The following WWTR1 variants were observed in gnomAD, a reference collection of about 807,000 sequenced individuals.
The protein encoded by WWTR1 is WW domain-containing transcription regulator protein 1.
In WWTR1, 13 loss-of-function variants were observed where a neutral mutation model predicts 40.1. That is an observed-to-expected ratio of 0.32 (90% CI 0.21 to 0.52). WWTR1 has a LOEUF of 0.52. Ranked by LOEUF, WWTR1 falls within the 20% of genes least tolerant of loss-of-function variation. The probability of loss-of-function intolerance (pLI) is 0.97; values close to 1 mark genes in which losing one functional copy is unlikely to be tolerated. For missense variants in WWTR1, 436 were observed against 523.1 expected, an observed-to-expected ratio of 0.83 and a Z score of 1.63; for synonymous variants, 230 against 210.1, an observed-to-expected ratio of 1.09 and a Z score of -0.82.
At chr3:149,525,276 A>C (rs1735244751) in intron 6 of WWTR1, among the ~76,000 whole-genome samples, 1 of 152,208 alleles carries the variant, frequency 6.6e-6, no homozygotes, top group African/African-American at 2.4e-5. Flanking sequence ...TGACATGAAA[A>C]AAATTGGATA....
At chr3:149,624,897 A>T (rs997507293) in intron 2 of WWTR1, among the ~76,000 whole-genome samples, 12 of 150,562 alleles carry the variant, frequency 8.0e-5, no homozygotes, top group African/African-American at 2.2e-4. Flanking sequence ...TTATTTATTT[A>T]TTTTTTTATT....
intron 1 of WWTR1, among the ~76,000 whole-genome samples, chr3:149,693,220 T>G (rs1040727288): frequency 1.3e-5 from 2 of 152,042 alleles, no homozygotes; most frequent in East Asian, 3.9e-4. Context: ...CAAGATAATA[T>G]CCCATGTACA....
intron 2 of WWTR1, among the ~76,000 whole-genome samples, chr3:149,607,756 T>C (rs373960655): frequency 2.0e-4 from 31 of 152,326 alleles, no homozygotes; most frequent in African/African-American, 7.0e-4. Context: ...TTCTCTTCAA[T>C]GATTAACAAC....
chr3:149,642,881 C>T (rs1712265996), intron 2 of WWTR1, among the ~76,000 whole-genome samples: 1 of 152,096 alleles, frequency 6.6e-6, no homozygotes, highest in East Asian at 1.9e-4. Context: ...GACGGTTGCA[C>T]TAGAGAATGC....
In WWTR1 at chr3:149,653,081, GA is replaced by G. The variant is rs553659986; in HGVS notation, c.431+3794del. Among the ~76,000 whole-genome samples, 3 of 152,308 alleles carry G rather than the reference GA, an allele frequency of 2.0e-5. No individual in the cohort carries two copies. The South Asian group carries it at 6.2e-4, about 32-fold the overall frequency. On this transcript the variant is annotated intron_variant, in intron 2 of 6. Coordinates refer to ENST00000360632, the MANE Select transcript of WWTR1 (RefSeq NM_015472.6). ...ACGTGGCAGCCAAATGTTATAGTCT[GA>G]ATTGTATTTAAGAGGAGGATAAAAT...
chr3:149,654,303 C>A (rs1333062340), intron 2 of WWTR1, among the ~76,000 whole-genome samples: 1 of 152,132 alleles, frequency 6.6e-6, no homozygotes, highest in Non-Finnish European at 1.5e-5. Context: ...ATGACATTTA[C>A]CTAATTCCAA....
At chr3:149,551,111 A>G (rs1821631) in intron 3 of WWTR1, among the ~76,000 whole-genome samples, 80,485 of 142,388 alleles carry the variant, frequency 0.57, 28,042 homozygotes, top group East Asian at 0.95. Context: ...CAGCCTGACC[A>G]ACATGGAGAA....
chr3:149,600,823 T>C (rs1182858780), intron 2 of WWTR1, among the ~76,000 whole-genome samples: 3 of 152,224 alleles, frequency 2.0e-5, no homozygotes, highest in Non-Finnish European at 4.4e-5. Flanking sequence ...TGCTCACTCT[T>C]GGAACCCAGC....
intron 2 of WWTR1, among the ~76,000 whole-genome samples, chr3:149,608,578 G>C (rs551394679): frequency 2.4e-4 from 36 of 151,994 alleles, no homozygotes; most frequent in African/African-American, 8.2e-4. Context: ...AGTAGAGATG[G>C]GGGTTTCACC....
intron 2 of WWTR1, among the ~76,000 whole-genome samples, chr3:149,636,488 G>C (rs1399019630): frequency 6.6e-6 from 1 of 152,044 alleles, no homozygotes; most frequent in East Asian, 1.9e-4. Flanking sequence ...TTCCTTTCTT[G>C]GATCTTCATT....
intron 1 of WWTR1, among the ~76,000 whole-genome samples, chr3:149,670,201 C>G (rs1056601529): frequency 6.6e-5 from 10 of 152,206 alleles, no homozygotes; most frequent in African/African-American, 2.4e-4. Flanking sequence ...CACTGCTGTC[C>G]TCACAGTGAC....
chr3:149,596,488 G>A (rs889706251), intron 2 of WWTR1, among the ~76,000 whole-genome samples: 1 of 152,106 alleles, frequency 6.6e-6, no homozygotes, highest in Non-Finnish European at 1.5e-5. Flanking sequence ...TAGAAAAGGT[G>A]AGCCCACTTC....
intron 3 of WWTR1, among the ~76,000 whole-genome samples, chr3:149,543,936 A>G (rs185118464): frequency 6.6e-6 from 1 of 150,714 alleles, no homozygotes; most frequent in East Asian, 1.9e-4. Context: ...ATATATATGT[A>G]TATATTTTAA....
intron 3 of WWTR1, among the ~76,000 whole-genome samples, chr3:149,556,734 C>G (rs1245598370): frequency 6.6e-6 from 1 of 152,062 alleles, no homozygotes; most frequent in Non-Finnish European, 1.5e-5. Context: ...AGACAGAAAC[C>G]AAAGCAGCTC....
intron 2 of WWTR1, among the ~76,000 whole-genome samples, chr3:149,592,698 T>C (rs1376157914): frequency 1.3e-5 from 2 of 152,226 alleles, no homozygotes; most frequent in African/African-American, 4.8e-5. Flanking sequence ...TGACCTGAAC[T>C]GTTTATACCC....
chr3:149,628,162 C>A (rs536488176), intron 2 of WWTR1, among the ~76,000 whole-genome samples: 27 of 151,590 alleles, frequency 1.8e-4, no homozygotes, highest in East Asian at 7.8e-4. Context: ...CTAGGTCAGG[C>A]AATCGAGACC....
intron 5 of WWTR1, among the ~76,000 whole-genome samples, chr3:149,710,328 T>C (rs899106701): frequency 6.6e-5 from 10 of 152,134 alleles, no homozygotes; most frequent in African/African-American, 9.7e-5. Context: ...GTACAGAGCA[T>C]GACCCTTTAG....
At chr3:149,646,845 T>C (rs1712560806) in intron 2 of WWTR1, among the ~76,000 whole-genome samples, 1 of 152,208 alleles carries the variant, frequency 6.6e-6, no homozygotes, top group African/African-American at 2.4e-5. Flanking sequence ...AAGAATTTCT[T>C]TTCCACTTTC....
chr3:149,556,419 A>T (rs757294662), intron 3 of WWTR1, among the ~76,000 whole-genome samples: 26 of 152,166 alleles, frequency 1.7e-4, no homozygotes, highest in Non-Finnish European at 3.1e-4. Context: ...TCTCTACTAA[A>T]ATTACAAAAA....
Sources: allele counts gnomAD v4.1 joint callset (sites outside exome capture counted in the v4.1 genomes callset), GRCh38; gene constraint gnomAD v4.1.1; transcripts MANE v1.5; gene names NCBI Gene and HGNC (gene_info 2026-07-23, HGNC 2026-07-21).